Variants in EPB41L3 observed in about 807,000 individuals in gnomAD.
EPB41L3 encodes the protein band 4.1-like protein 3.
In EPB41L3, 57 loss-of-function variants were observed where a neutral mutation model predicts 127.1. The ratio of observed to expected loss-of-function variants is 0.45; its 90% CI spans 0.36 to 0.56. The LOEUF (loss-of-function observed/expected upper bound fraction) is 0.56, where lower values mean the gene tolerates loss of function less well. EPB41L3 is among the 20% of genes least tolerant of loss of function. EPB41L3 has a pLI of 0.00. For missense variants in EPB41L3, 1,273 were observed against 1,372.2 expected (o/e 0.93, Z 1.14); for synonymous variants, 572 against 549.5 (o/e 1.04, Z -0.57).
intron 16 of EPB41L3, among the ~76,000 whole-genome samples, chr18:5,405,010 G>T (rs932143828): frequency 6.6e-6 from 1 of 152,202 alleles, no homozygotes; most frequent in Non-Finnish European, 1.5e-5. Flanking sequence ...AATGGTACAA[G>T]AATATGGTGG....
At chr18:5,464,528 G>A (rs2147230651) in intron 3 of EPB41L3, among the ~76,000 whole-genome samples, 1 of 152,322 alleles carries the variant, frequency 6.6e-6, no homozygotes, top group African/African-American at 2.4e-5. Context: ...GACAGTAGAG[G>A]ATGTGTCCCA....
chr18:5,506,968 AC>A (rs2092249966), intron 1 of EPB41L3, among the ~76,000 whole-genome samples: 1 of 152,212 alleles, frequency 6.6e-6, no homozygotes, highest in African/African-American at 2.4e-5. Context: ...GGACAGTCCA[AC>A]CTAGTGAAAA....
chr18:5,451,911 T>C (rs1158151920), intron 3 of EPB41L3, among the ~76,000 whole-genome samples: 1 of 152,194 alleles, frequency 6.6e-6, no homozygotes, highest in Non-Finnish European at 1.5e-5. Flanking sequence ...TGATCTCGGC[T>C]CACTGCAACC....
chr18:5,525,896 T>A (rs554907039), intron 1 of EPB41L3, among the ~76,000 whole-genome samples: 1 of 152,296 alleles, frequency 6.6e-6, no homozygotes, highest in East Asian at 1.9e-4. Flanking sequence ...TCTGAGAAGA[T>A]GTCTTCTATT....
At chr18:5,465,877 A>G (rs1599321186) in intron 3 of EPB41L3, among the ~76,000 whole-genome samples, 1 of 152,276 alleles carries the variant, frequency 6.6e-6, no homozygotes, top group East Asian at 1.9e-4. Flanking sequence ...GTAGATATTC[A>G]GATATTCAAC....
chr18:5,450,471 G>A (rs953766744), intron 3 of EPB41L3, among the ~76,000 whole-genome samples: 1 of 151,430 alleles, frequency 6.6e-6, no homozygotes, highest in Admixed American at 6.6e-5. Flanking sequence ...AAACTGGGGG[G>A]GGTGAGGGGA....
At position 5,433,783 on chromosome 18, in the gene EPB41L3, C is replaced by A; in HGVS notation, c.824+120G>T. On this transcript the variant is annotated intron_variant, in intron 7 of 22. Coordinates refer to ENST00000341928, the MANE Select transcript of EPB41L3 (RefSeq NM_012307.5). Reference sequence around the variant, plus strand: ...TCTCAGAATTTTACTGTGCATGGACCCACACTATGCTCACGTCTCGCCGTT... The same window carrying A: ...TCTCAGAATTTTACTGTGCATGGACACACACTATGCTCACGTCTCGCCGTT... The A allele has an allele frequency of 3.5e-6, 4 of 1,137,702 alleles. No individual in the cohort carries two copies. The South Asian group carries it at 4.1e-5, about 12-fold the overall frequency. 70.5% of individuals were successfully genotyped at this position (1,137,702 alleles called of 1,614,324 possible). A position where few individuals can be genotyped will look rare whatever the true frequency, so the allele number is the denominator to read the frequency against.
chr18:5,415,973 A>G lies in EPB41L3; in HGVS notation c.1912T>C (p.Phe638Leu), dbSNP rs1240952978. 1.9e-6 allele frequency: 3 copies of G among 1,614,144 alleles called. No homozygotes were observed. The South Asian group carries it at 3.3e-5, about 18-fold the overall frequency. The change falls in exon 13 of 23, where the codon TTC becomes CTC. Residue 638 changes from phenylalanine to leucine, a missense_variant. Coordinates refer to ENST00000341928, the MANE Select transcript of EPB41L3 (RefSeq NM_012307.5). ...RSPSLVPCFL[F>L]IFFFLLSASF... ...GCAGACAGCAGAAAGAAAAAGATGA[A>G]GAGGAAACAGGGCACAAGGGACGGT...
At chr18:5,629,410 A>ACACAC (rs2144390234), upstream of EPB41L3, among the ~76,000 whole-genome samples, 1 of 96,892 alleles carries the variant, frequency 1.0e-5, no homozygotes, top group Admixed American at 1.2e-4. Flanking sequence ...GCTCATCCTT[A>ACACAC]CACACCACAC....
intron 1 of EPB41L3, among the ~76,000 whole-genome samples, chr18:5,623,839 G>T (rs1244391292): frequency 6.6e-6 from 1 of 151,720 alleles, no homozygotes; most frequent in East Asian, 1.9e-4. Context: ...AGTAGAGTCG[G>T]GGAGTCAGGG....
At chr18:5,538,073 C>G (rs534469663) in intron 1 of EPB41L3, among the ~76,000 whole-genome samples, 1 of 152,324 alleles carries the variant, frequency 6.6e-6, no homozygotes, top group South Asian at 2.1e-4. Flanking sequence ...ATGACTCACA[C>G]ATTTTTAGAA....
intron 13 of EPB41L3, among the ~76,000 whole-genome samples, chr18:5,412,673 G>A (rs1292455945): frequency 1.3e-5 from 2 of 152,286 alleles, no homozygotes; most frequent in East Asian, 3.9e-4. Context: ...TTAGGGGACA[G>A]TGGTCGTTAA....
At chr18:5,405,862 G>A (rs1439320121) in intron 16 of EPB41L3, among the ~76,000 whole-genome samples, 1 of 151,484 alleles carries the variant, frequency 6.6e-6, no homozygotes, top group Non-Finnish European at 1.5e-5. Context: ...GCCAAAGAGT[G>A]TGAAATAACC....
Position 5,491,646 on chromosome 18 carries a change from C to T in EPB41L3, c.-11-2452G>A, listed in dbSNP as rs1015180467. Among the ~76,000 whole-genome samples the T allele has an allele frequency of 2.0e-5, 3 of 152,118 alleles. No individual in the cohort carries two copies. The South Asian group carries it at 6.2e-4, about 32-fold the overall frequency. ...ATCACACAACTCACAGCAGCTCATA[C>T]CTCAAAATCATCTACTATGCCCTTG... On this transcript the variant is annotated intron_variant, in intron 1 of 22. Coordinates refer to ENST00000341928, the MANE Select transcript of EPB41L3 (RefSeq NM_012307.5).
At chr18:5,532,144 G>A (rs533361819) in intron 1 of EPB41L3, among the ~76,000 whole-genome samples, 1 of 152,142 alleles carries the variant, frequency 6.6e-6, no homozygotes, top group Admixed American at 6.5e-5. Flanking sequence ...AGAAAGACTT[G>A]GTAAAATGTT....
intron 3 of EPB41L3, among the ~76,000 whole-genome samples, chr18:5,607,949 C>T (rs1223569713): frequency 1.3e-5 from 2 of 152,120 alleles, no homozygotes; most frequent in Non-Finnish European, 2.9e-5. Flanking sequence ...GGAAATGTGT[C>T]TGGTGAAAAT....
chr18:5,424,948 G>A (rs930609817), intron 9 of EPB41L3, among the ~76,000 whole-genome samples: 5 of 152,088 alleles, frequency 3.3e-5, no homozygotes, highest in East Asian at 3.9e-4. Flanking sequence ...CAGAGATTGG[G>A]GGAACATATT....
At chr18:5,458,775 G>T (rs544568841) in intron 3 of EPB41L3, among the ~76,000 whole-genome samples, 1 of 152,224 alleles carries the variant, frequency 6.6e-6, no homozygotes, top group Non-Finnish European at 1.5e-5. Flanking sequence ...CGGACTAACA[G>T]TTAATAATCC....
upstream of EPB41L3, chr18:5,630,449 G>C (rs748088912): frequency 3.9e-6 from 2 of 518,934 alleles, no homozygotes; most frequent in South Asian, 1.4e-5. Flanking sequence ...ACCTTCCTTG[G>C]AGAAAAAAAG....
Sources: allele counts gnomAD v4.1 joint callset (sites outside exome capture counted in the v4.1 genomes callset), GRCh38; gene constraint gnomAD v4.1.1; transcripts MANE v1.5; gene names NCBI Gene and HGNC (gene_info 2026-07-23, HGNC 2026-07-21).